SDK1: variants seen among roughly 807,000 people sequenced by gnomAD.
The protein encoded by SDK1 is protein sidekick-1.
A neutral mutation model predicts 245.5 loss-of-function variants in SDK1; 157 were observed. The ratio of observed to expected loss-of-function variants is 0.64; its 90% confidence interval spans 0.56 to 0.73. The LOEUF is 0.73. Among genes scored for constraint, SDK1 ranks in the 30% least tolerant of loss-of-function variants. SDK1 has a pLI of 0.00. For synonymous variants in SDK1, 1,647 were observed against 1,278.5 expected, an observed-to-expected ratio of 1.29 and a Z score of -6.15; for missense variants, 3,583 against 3,002.3, an observed-to-expected ratio of 1.19 and a Z score of -4.52.
chr7:3,538,565 C>A (rs1404157182), intron 1 of SDK1, among the ~76,000 whole-genome samples: 1 of 152,204 alleles, frequency 6.6e-6, no homozygotes, highest in Non-Finnish European at 1.5e-5. Context: ...AATCTCCCCA[C>A]TTACCTAGGC....
rs575040683 is a variant in SDK1, at chr7:4,095,128, C to G, written c.3325-15535C>G. Among the ~76,000 whole-genome samples the G allele has an allele frequency of 1.7e-3, 249 of 143,342 alleles. 2 individuals carry two copies. Among genetic ancestry groups the G allele is most frequent in the African/African-American group, 3.9e-3 (149 of 37,722 alleles). 94.0% of individuals were successfully genotyped at this position (143,342 alleles called of 152,430 possible). A position where few individuals can be genotyped will look rare whatever the true frequency, so the allele number is the denominator to read the frequency against. ...TCCTCCATATCTGAGGTCTTCCTCA[C>G]CTCCCCCACATCTGAGCTCTTCCTC... On this transcript the variant is annotated intron_variant, in intron 22 of 44. Coordinates refer to ENST00000404826, the MANE Select transcript of SDK1 (RefSeq NM_152744.4).
At chr7:3,423,375 G>A (rs1024614349) in intron 1 of SDK1, among the ~76,000 whole-genome samples, 130 of 152,322 alleles carry the variant, frequency 8.5e-4, no homozygotes, top group African/African-American at 3.0e-3. Flanking sequence ...GAACTTTTGA[G>A]CAGATTGGCT....
At chr7:3,889,410 C>T (rs1056987692) in intron 5 of SDK1, among the ~76,000 whole-genome samples, 4 of 152,282 alleles carry the variant, frequency 2.6e-5, no homozygotes, top group East Asian at 1.9e-4. Context: ...AAAAGAGGGT[C>T]GAGTTCCTTC....
chr7:3,679,637 A>G (rs1367294627), intron 4 of SDK1, among the ~76,000 whole-genome samples: 1 of 152,248 alleles, frequency 6.6e-6, no homozygotes, highest in Non-Finnish European at 1.5e-5. Context: ...GATGTCAAAC[A>G]GGTATATGAA....
At chr7:4,120,402 C>G (rs7799634) in intron 25 of SDK1, among the ~76,000 whole-genome samples, 9,253 of 148,512 alleles carry the variant, frequency 0.062, 1,381 homozygotes, top group African/African-American at 0.22. Context: ...AAAGGCAAGA[C>G]CATTTGACTG....
rs746987893 is a variant in SDK1 at position 4,130,052 on chromosome 7, G to A, written c.4084G>A (p.Gly1362Arg). The change falls in exon 27 of 45, where the codon GGG (glycine) becomes AGG (arginine). Residue 1362 changes from glycine (G) to arginine (R), a missense_variant. Coordinates refer to ENST00000404826, the MANE Select transcript of SDK1 (RefSeq NM_152744.4). ...QVLAFTRIGN[G>R]VPSTPLILER... is the part of the protein sequence containing the mutation. ...GCTGGCGTTCACCCGCATCGGGAAC[G>A]GGGTCCCCAGCACGCCCCTCATCCT... 5.6e-6 allele frequency: 9 copies of A among 1,612,310 alleles called. No homozygotes were observed. In the Admixed American group the frequency reaches 1.2e-4, roughly 21 times the overall value.
At chr7:4,073,972 G>A (rs963681521) in intron 20 of SDK1, among the ~76,000 whole-genome samples, 3 of 152,160 alleles carry the variant, frequency 2.0e-5, no homozygotes, top group African/African-American at 7.2e-5. Context: ...GGGGTGGGGC[G>A]GGGGAGGTCA....
chr7:3,774,056 T>C (rs1238333024), intron 4 of SDK1, among the ~76,000 whole-genome samples: 3 of 151,462 alleles, frequency 2.0e-5, no homozygotes, highest in African/African-American at 7.3e-5. Context: ...CTACTAAAAA[T>C]ACAAAAAAAT....
chr7:3,644,773 CAAAAAAA>C (rs34276127), intron 4 of SDK1, among the ~76,000 whole-genome samples: 5 of 40,038 alleles, frequency 1.2e-4, no homozygotes, highest in East Asian at 6.9e-4. Context: ...ACCCTGTCTC[CAAAAAAA>C]AAAAAAAAAA....
intron 1 of SDK1, among the ~76,000 whole-genome samples, chr7:3,467,492 T>C (rs1373371421): frequency 6.6e-6 from 1 of 151,902 alleles, no homozygotes; most frequent in Non-Finnish European, 1.5e-5. Flanking sequence ...AGGATTTTGA[T>C]TGGTATTTGG....
At position 4,021,366 on chromosome 7, in the gene SDK1, C is replaced by T. The variant is rs57991702; in HGVS notation, c.2602+4014C>T. On this transcript the variant is annotated intron_variant, in intron 17 of 44. Transcript: ENST00000404826. Reference sequence around the variant, plus strand: ...GACACGAGGGTTGTGATCCACGTGGCGGGGACACCTCAGAGTTTGTGGCTA... The same window carrying T: ...GACACGAGGGTTGTGATCCACGTGGTGGGGACACCTCAGAGTTTGTGGCTA... Among the ~76,000 whole-genome samples, 1,248 of 152,216 alleles carry T rather than the reference C, an allele frequency of 8.2e-3. 17 individuals are homozygous for T. The highest frequency in any genetic ancestry group is 0.028 in the African/African-American group (1,174 of 41,530).
chr7:3,680,320 G>C (rs1404084008), intron 4 of SDK1, among the ~76,000 whole-genome samples: 2 of 152,188 alleles, frequency 1.3e-5, no homozygotes, highest in African/African-American at 4.8e-5. Flanking sequence ...GGGAGGTGAG[G>C]GGAGACGGCT....
chr7:3,574,548 C>G (rs1420761713), intron 1 of SDK1, among the ~76,000 whole-genome samples: 1 of 152,070 alleles, frequency 6.6e-6, no homozygotes, highest in East Asian at 1.9e-4. Flanking sequence ...GGGAAAAACT[C>G]CTGGCCTCCC....
chr7:3,482,613 A>G (rs1171826545), intron 1 of SDK1, among the ~76,000 whole-genome samples: 1 of 152,224 alleles, frequency 6.6e-6, no homozygotes, highest in African/African-American at 2.4e-5. Context: ...GGCCTCCCAC[A>G]GGTCTTCCCT....
chr7:3,510,233 A>G (rs1782536629), intron 1 of SDK1, among the ~76,000 whole-genome samples: 1 of 152,162 alleles, frequency 6.6e-6, no homozygotes, highest in South Asian at 2.1e-4. Flanking sequence ...GCAGTGCACA[A>G]GGTGGTGAGG....
chr7:3,694,714 A>G (rs993368909), intron 4 of SDK1, among the ~76,000 whole-genome samples: 1 of 152,162 alleles, frequency 6.6e-6, no homozygotes, highest in African/African-American at 2.4e-5. Flanking sequence ...TCTCTGGGCC[A>G]CATCTCGAGT....
chr7:3,303,728 CTG>C (rs777013185), intron 1 of SDK1, among the ~76,000 whole-genome samples: 9 of 152,150 alleles, frequency 5.9e-5, no homozygotes, highest in African/African-American at 1.2e-4. Context: ...TCTCTTTGCT[CTG>C]TGAAATGTGT....
intron 1 of SDK1, among the ~76,000 whole-genome samples, chr7:3,382,923 T>G (rs2128567533): frequency 6.6e-6 from 1 of 152,298 alleles, no homozygotes; most frequent in East Asian, 1.9e-4. Context: ...TTCTCTTCTA[T>G]TTTTGAAGCT....
At chr7:3,965,614 G>T (rs1000441919) in intron 9 of SDK1, among the ~76,000 whole-genome samples, 3 of 152,180 alleles carry the variant, frequency 2.0e-5, no homozygotes, top group African/African-American at 7.2e-5. Flanking sequence ...TCTGGATGAG[G>T]CTCTGGGGAC....
Sources: allele counts gnomAD v4.1 joint callset (sites outside exome capture counted in the v4.1 genomes callset), GRCh38; gene constraint gnomAD v4.1.1; transcripts MANE v1.5; gene names NCBI Gene and HGNC (gene_info 2026-07-23, HGNC 2026-07-21).